The following MAP4 variants were observed in gnomAD, a reference collection of about 807,000 sequenced individuals.
MAP4 encodes microtubule associated protein 4.
A neutral mutation model predicts 170.2 loss-of-function variants in MAP4; 76 were observed. The ratio of observed to expected loss-of-function variants is 0.45; its 90% CI spans 0.37 to 0.54. The LOEUF (loss-of-function observed/expected upper bound fraction) is 0.54, where lower values mean the gene tolerates loss of function less well. Among genes scored for constraint, MAP4 ranks in the 20% least tolerant of loss-of-function variants. The pLI is 0.00. For missense variants in MAP4, 2,506 were observed against 2,748.0 expected (o/e 0.91, Z 1.97); for synonymous variants, 909 against 994.5 (o/e 0.91, Z 1.62).
chr3:48,001,043 C>T (rs577596739), intron 1 of MAP4, among the ~76,000 whole-genome samples: 1 of 152,250 alleles, frequency 6.6e-6, no homozygotes, highest in Admixed American at 6.5e-5. Context: ...CATCGTACCC[C>T]CAATTCCCAA....
At chr3:47,854,236 G>GA (rs1361464899) in intron 19 of MAP4, among the ~76,000 whole-genome samples, 1 of 152,234 alleles carries the variant, frequency 6.6e-6, no homozygotes, top group East Asian at 1.9e-4. Flanking sequence ...TGTGTCCTTG[G>GA]AAAAGAGACT....
At chr3:48,087,249 A>T (rs528339189) in intron 1 of MAP4, among the ~76,000 whole-genome samples, 1 of 152,344 alleles carries the variant, frequency 6.6e-6, no homozygotes, top group East Asian at 1.9e-4. Flanking sequence ...AAAGTTTAAA[A>T]GTTGCAAGTA....
chr3:48,038,176 GAA>G (rs397786308), intron 1 of MAP4, among the ~76,000 whole-genome samples: 1,789 of 118,862 alleles, frequency 0.015, 15 homozygotes, highest in Non-Finnish European at 0.016. Flanking sequence ...TCCAAAAAAA[GAA>G]AAAAAAAAAA....
chr3:47,870,906 G>A lies in MAP4; in HGVS notation c.6201C>T (p.Arg2067=). The change falls in exon 15 of 21, where the codon CGC becomes CGT. Residue 2067 remains arginine, a synonymous_variant. Transcript: ENST00000683076. ...CAGGAGCAGAAGTATTGGTGGCCAG[G>A]CGGCTGAGCCGGGGGGTGGTGGAGC... The part of the protein sequence containing the change: ...KPSSTTPRLS[R]LATNTSAPDL... 6.2e-7 allele frequency: 1 copy of A among 1,613,970 alleles called. No individual in the cohort carries two copies. Among genetic ancestry groups the A allele is most frequent in the Non-Finnish European group, 8.5e-7 (1 of 1,179,952 alleles).
intron 17 of MAP4, among the ~76,000 whole-genome samples, chr3:47,858,586 G>GGT (rs59208724): frequency 0.12 from 18,028 of 145,106 alleles, 1,134 homozygotes; most frequent in Non-Finnish European, 0.15. Flanking sequence ...GTGAGGGGGT[G>GGT]GTGTGTGTGT....
chr3:48,076,643 C>T (rs2100144068), intron 1 of MAP4, among the ~76,000 whole-genome samples: 1 of 151,914 alleles, frequency 6.6e-6, no homozygotes, highest in Non-Finnish European at 1.5e-5. Flanking sequence ...CATGCCACTG[C>T]ACTCCAGCCT....
chr3:47,907,978 A>G (rs908071550), intron 9 of MAP4, among the ~76,000 whole-genome samples: 12 of 152,344 alleles, frequency 7.9e-5, no homozygotes, highest in Non-Finnish European at 1.8e-4. Flanking sequence ...GAACAAGTCC[A>G]TACCATGCAG....
chr3:48,005,652 G>A (rs756381330), intron 1 of MAP4, among the ~76,000 whole-genome samples: 13 of 152,174 alleles, frequency 8.5e-5, no homozygotes, highest in Non-Finnish European at 1.9e-4. Context: ...TGTAGAGGAA[G>A]GCATCCAAAA....
At chr3:48,087,674 G>A (rs1194569022) in intron 1 of MAP4, among the ~76,000 whole-genome samples, 2 of 151,940 alleles carry the variant, frequency 1.3e-5, no homozygotes, top group Non-Finnish European at 2.9e-5. Context: ...AAGCACAGCA[G>A]CAGGGAAATG....
chr3:47,986,749 CA>C (rs1355170202), intron 2 of MAP4, among the ~76,000 whole-genome samples: 1 of 152,016 alleles, frequency 6.6e-6, no homozygotes, highest in African/African-American at 2.4e-5. Context: ...AGTCTGTTTT[CA>C]AATCAAAGTC....
rs1342796921 is a variant in MAP4, at chr3:47,869,378, CA to C, written c.6295-52del. ...ATTTCAAACCAAGAGGATAAGAGCT[CA>C]AAAGCCAAGAAGGGAAGAAGGCTGT... On this transcript the variant is annotated intron_variant, in intron 15 of 20. Coordinates refer to ENST00000683076, the MANE Select transcript of MAP4 (RefSeq NM_001385682.1). 6.3e-6 allele frequency: 8 copies of C among 1,271,732 alleles called. No homozygotes were observed. In the Admixed American group the frequency reaches 6.8e-5, roughly 11 times the overall value. The allele number at this position is 1,271,732 out of a possible 1,614,324, so 78.8% of individuals were successfully genotyped here.
chr3:47,974,036 C>G (rs1238267024), intron 3 of MAP4: 5 of 985,266 alleles, frequency 5.1e-6, no homozygotes, highest in African/African-American at 1.7e-5. Flanking sequence ...GGAATGCTTC[C>G]TAAATTCCGG....
chr3:48,064,315 G>A (rs1023562718), intron 1 of MAP4, among the ~76,000 whole-genome samples: 3 of 152,082 alleles, frequency 2.0e-5, no homozygotes, highest in Non-Finnish European at 4.4e-5. Flanking sequence ...CACCCAGACT[G>A]ATATAAACTG....
intron 1 of MAP4, among the ~76,000 whole-genome samples, chr3:48,045,258 CAAAA>C (rs34377968): frequency 3.9e-5 from 4 of 102,178 alleles, no homozygotes; most frequent in Admixed American, 1.1e-4. Flanking sequence ...GACTCAGTCT[CAAAA>C]AAAAAAAAAA....
chr3:47,947,301 C>A (rs954384334), intron 3 of MAP4, among the ~76,000 whole-genome samples: 2 of 152,168 alleles, frequency 1.3e-5, no homozygotes, highest in Non-Finnish European at 2.9e-5. Flanking sequence ...TCCCTTTTTA[C>A]CCCTTCCTCC....
chr3:47,892,363 C>T, intron 10 of MAP4: 1 of 1,536,280 alleles, frequency 6.5e-7, no homozygotes, highest in Non-Finnish European at 8.7e-7. Context: ...TGCCCTCTGT[C>T]CTCTGCCATT....
chr3:47,858,147 A>G (rs2150253511), intron 17 of MAP4, among the ~76,000 whole-genome samples: 1 of 150,402 alleles, frequency 6.6e-6, no homozygotes, highest in South Asian at 2.1e-4. Context: ...TGGAGTAGCT[A>G]GGATTACAGG....
At chr3:47,921,315 T>A (rs1577642005) in intron 5 of MAP4, among the ~76,000 whole-genome samples, 1 of 152,174 alleles carries the variant, frequency 6.6e-6, no homozygotes, top group South Asian at 2.1e-4. Context: ...ATTAAACAAC[T>A]AAAGGACACC....
chr3:47,960,874 AT>A (rs2100071146), intron 3 of MAP4: 1 of 165,524 alleles, frequency 6.0e-6, no homozygotes, highest in Non-Finnish European at 1.4e-5. Context: ...GAAAAGTTCA[AT>A]TTGACGTACA....
Sources: allele counts gnomAD v4.1 joint callset (sites outside exome capture counted in the v4.1 genomes callset), GRCh38; gene constraint gnomAD v4.1.1; transcripts MANE v1.5; gene names NCBI Gene and HGNC (gene_info 2026-07-23, HGNC 2026-07-21).